Variants in RBM8A observed in about 807,000 individuals in gnomAD.
RBM8A encodes the protein RNA binding motif protein 8A.
A neutral mutation model predicts 25.1 loss-of-function variants in RBM8A; 8 were observed. The ratio of observed to expected loss-of-function variants is 0.32; its 90% CI spans 0.19 to 0.58. The LOEUF (loss-of-function observed/expected upper bound fraction) is 0.58. Among genes scored for constraint, RBM8A ranks in the 20% least tolerant of loss-of-function variants. The pLI is 0.88. For synonymous variants in RBM8A, 66 were observed against 80.0 expected, an observed-to-expected ratio of 0.82 and a Z score of 0.94; for missense variants, 114 against 236.8, an observed-to-expected ratio of 0.48 and a Z score of 3.40.
At position 145,924,514 on chromosome 1, in the gene RBM8A, T is replaced by C; in HGVS notation, c.*1368A>G. The C allele has an allele frequency of 2.7e-6, 1 of 377,352 alleles. No individual in the cohort carries two copies. The highest frequency in any genetic ancestry group is 2.0e-5 in the South Asian group (1 of 49,710). The allele number at this position is 377,352 out of a possible 1,614,324, so 23.4% of individuals were successfully genotyped here. A position where few individuals can be genotyped will look rare whatever the true frequency, so the allele number is the denominator to read the frequency against. ...GTCTAGCACCTGATGCTAGAGATAATTTTGTTGAATCCCTTCAATTATAAA... is the reference window on the plus strand; with the variant it reads ...GTCTAGCACCTGATGCTAGAGATAACTTTGTTGAATCCCTTCAATTATAAA... On this transcript the variant is annotated 3_prime_UTR_variant, in exon 6 of 6. Coordinates refer to ENST00000583313, the MANE Select transcript of RBM8A (RefSeq NM_005105.5).
intron 3 of RBM8A, 39 bp downstream of exon 3, chr1:145,926,770 C>T (rs375620842): frequency 1.9e-4 from 308 of 1,613,950 alleles, no homozygotes; most frequent in Non-Finnish European, 2.4e-4. Context: ...TAACTACTAC[C>T]ACAGACACGG....
intron 2 of RBM8A, 22 bp downstream of exon 2, chr1:145,926,996 A>G (rs782152242): frequency 1.2e-6 from 2 of 1,613,398 alleles, no homozygotes. Context: ...AGGCCACTCT[A>G]CCCCATTTTC....
Position 145,921,579 on chromosome 1 carries a change from T to C in RBM8A, c.*4303A>G, listed in dbSNP as rs950651147. On this transcript the variant is annotated 3_prime_UTR_variant, in exon 6 of 6. Transcript: ENST00000583313. ...AATTTGTGTTTTTTACTGACTTTAT[T>C]GTCGAATGAGTGTTAAAATTGCAAA... 1.3e-5 allele frequency: 2 copies of C among 152,402 alleles called. No homozygotes were observed. The highest frequency in any genetic ancestry group is 3.8e-4 in the East Asian group (2 of 5,226). 9.4% of individuals were successfully genotyped at this position (152,402 alleles called of 1,614,324 possible).
Position 145,923,569 on chromosome 1 carries a change from T to C in RBM8A, c.*2313A>G, listed in dbSNP as rs1481122904. On this transcript the variant is annotated 3_prime_UTR_variant, in exon 6 of 6. Transcript: ENST00000583313. ...CTGGAAAGCAGGCACTTTAACCTTGTAGCTCTAAACAGAAATAGTTTTTAC... is the reference window on the plus strand; with the variant it reads ...CTGGAAAGCAGGCACTTTAACCTTGCAGCTCTAAACAGAAATAGTTTTTAC... 1.8e-5 allele frequency: 4 copies of C among 226,548 alleles called. No individual in the cohort carries two copies. Among genetic ancestry groups the C allele is most frequent in the Admixed American group, 5.2e-5 (1 of 19,380 alleles). 14.0% of individuals were successfully genotyped at this position (226,548 alleles called of 1,614,324 possible). A position where few individuals can be genotyped will look rare whatever the true frequency, so the allele number is the denominator to read the frequency against.
Position 145,925,684 on chromosome 1 carries a change from A to G in RBM8A, c.*198T>C. The G allele has an allele frequency of 1.7e-6, 1 of 604,876 alleles. No homozygotes were observed. The highest frequency in any genetic ancestry group is 2.9e-6 in the Non-Finnish European group (1 of 341,968). 37.5% of individuals were successfully genotyped at this position (604,876 alleles called of 1,614,324 possible). ...GATCCATACAGCCTTGCTATGCTTT[A>G]GAACTTTCAATTTTAGGACAGGAAA... On this transcript the variant is annotated 3_prime_UTR_variant, in exon 6 of 6. Coordinates refer to ENST00000583313, the MANE Select transcript of RBM8A (RefSeq NM_005105.5).
In RBM8A at chr1:145,925,351, C is replaced by G. The variant is rs587667686; in HGVS notation, c.*531G>C. 5.7e-6 allele frequency: 2 copies of G among 348,354 alleles called. No homozygotes were observed. The highest frequency in any genetic ancestry group is 1.5e-4 in the East Asian group (2 of 13,084). 21.6% of individuals were successfully genotyped at this position (348,354 alleles called of 1,614,324 possible). ...AAAAAAGAAATACTGACCAGTGTCT[C>G]TACTTTAAACCCTACCTGAAACTTG... is the stretch of plus-strand genomic sequence containing the variant. On this transcript the variant is annotated 3_prime_UTR_variant, in exon 6 of 6. Transcript: ENST00000583313.
In RBM8A at chr1:145,926,772, C is replaced by T. The variant is rs1427713904; in HGVS notation, c.205+37G>A. The T allele has an allele frequency of 4.3e-6, 7 of 1,614,012 alleles. No individual in the cohort carries two copies. The Admixed American group carries it at 6.7e-5, about 15-fold the overall frequency. ...TTTTATTGGTTTCTAACTACTACCA[C>T]AGACACGGATACCTCACAGGTTCCA... On this transcript the variant is annotated intron_variant, in intron 3 of 5. Coordinates refer to ENST00000583313, the MANE Select transcript of RBM8A (RefSeq NM_005105.5).
rs1648210068 is a variant in RBM8A, at chr1:145,927,231, C to T, written c.67+129G>A. 6 of 1,448,886 alleles carry T rather than the reference C, an allele frequency of 4.1e-6. No individual in the cohort carries two copies. The South Asian group carries it at 7.4e-5, about 18-fold the overall frequency. 89.8% of individuals were successfully genotyped at this position (1,448,886 alleles called of 1,614,324 possible). A position where few individuals can be genotyped will look rare whatever the true frequency, so the allele number is the denominator to read the frequency against. ...TCCCTTCTCCTGAAGGGGGCGGAATCTCTAATCCACCCAAGACCCGGTTCC... is the reference window on the plus strand; with the variant it reads ...TCCCTTCTCCTGAAGGGGGCGGAATTTCTAATCCACCCAAGACCCGGTTCC... On this transcript the variant is annotated intron_variant, in intron 1 of 5. Coordinates refer to ENST00000583313, the MANE Select transcript of RBM8A (RefSeq NM_005105.5).
rs117017431 is a variant in RBM8A, at chr1:145,926,638, A to G, written c.206-20T>C. ...CAACAGCTGTTGGGGGACGGGGGGA[A>G]GTTGTATGAGTACATGAGAGACACT... On this transcript the variant is annotated intron_variant, in intron 3 of 5. Transcript: ENST00000583313. 1,841 of 1,613,792 alleles carry G rather than the reference A, an allele frequency of 1.1e-3. 29 individuals are homozygous for G. In the East Asian group the frequency reaches 0.032, roughly 28 times the overall value.
At chr1:145,927,113 G>T in intron 1 of RBM8A, 36 bp from the exon 2 acceptor site, 1 of 1,603,860 alleles carries the variant, frequency 6.2e-7, no homozygotes, top group South Asian at 1.1e-5. Flanking sequence ...AAGTAACTAT[G>T]ACAGTCATTT....
intron 4 of RBM8A, 32 bp from the exon 5 acceptor site, chr1:145,926,209 C>A (rs1648147584): frequency 6.2e-7 from 1 of 1,607,204 alleles, no homozygotes; most frequent in Non-Finnish European, 8.5e-7. Flanking sequence ...ATATGAAAAC[C>A]CTCCTATTTC....
In RBM8A at chr1:145,924,157, G is replaced by A. The variant is rs587722472; in HGVS notation, c.*1725C>T. The stretch of plus-strand genomic sequence containing the variant: ...AATAGTCCTCAACTCCACTCCAGCT[G>A]TTCCTGTTCCACACGGTCCACTGAG... On this transcript the variant is annotated 3_prime_UTR_variant, in exon 6 of 6. Coordinates refer to ENST00000583313, the MANE Select transcript of RBM8A (RefSeq NM_005105.5). 2.8e-6 allele frequency: 2 copies of A among 707,612 alleles called. No individual in the cohort carries two copies. Among genetic ancestry groups the A allele is most frequent in the East Asian group, 2.7e-5 (1 of 36,822 alleles). 43.8% of individuals were successfully genotyped at this position (707,612 alleles called of 1,614,324 possible). A position where few individuals can be genotyped will look rare whatever the true frequency, so the allele number is the denominator to read the frequency against.
chr1:145,922,614 T>C lies in RBM8A; in HGVS notation c.*3268A>G, dbSNP rs902981466. 4.6e-5 allele frequency: 7 copies of C among 152,210 alleles called. No homozygotes were observed. The highest frequency in any genetic ancestry group is 8.8e-5 in the Non-Finnish European group (6 of 68,038). The allele number at this position is 152,210 out of a possible 1,614,324, so 9.4% of individuals were successfully genotyped here. A position where few individuals can be genotyped will look rare whatever the true frequency, so the allele number is the denominator to read the frequency against. On this transcript the variant is annotated 3_prime_UTR_variant, in exon 6 of 6. Transcript: ENST00000583313. ...ACATGATACATGTGCGAAAGGTGATTTTTTTTGTTCCAAATTAGTATCCTT... is the reference window on the plus strand; with the variant it reads ...ACATGATACATGTGCGAAAGGTGATCTTTTTTGTTCCAAATTAGTATCCTT...
In RBM8A at chr1:145,926,023, T is replaced by G. The variant is rs1345194253; in HGVS notation, c.479+18A>C. 6.2e-7 allele frequency: 1 copy of G among 1,614,216 alleles called. No individual in the cohort carries two copies. The highest frequency in any genetic ancestry group is 8.5e-7 in the Non-Finnish European group (1 of 1,180,032). ...CGTATTCCCTTCACCCAGACAGTAT[T>G]TGCCCTCTTCATTTTACCTCCTCTT... On this transcript the variant is annotated intron_variant, in intron 5 of 5. Coordinates refer to ENST00000583313, the MANE Select transcript of RBM8A (RefSeq NM_005105.5).
Position 145,923,915 on chromosome 1 carries a change from G to A in RBM8A, c.*1967C>T, listed in dbSNP as rs1570944837. ...GAATAGTACTTGAGAAAGCAGGATT[G>A]TTTTAAGTTCCAAGATTTAACAAAC... is the stretch of plus-strand genomic sequence containing the variant. On this transcript the variant is annotated 3_prime_UTR_variant, in exon 6 of 6. Coordinates refer to ENST00000583313, the MANE Select transcript of RBM8A (RefSeq NM_005105.5). The A allele has an allele frequency of 1.7e-6, 1 of 592,208 alleles. No individual in the cohort carries two copies. The highest frequency in any genetic ancestry group is 4.5e-4 in the Middle Eastern group (1 of 2,234). 36.7% of individuals were successfully genotyped at this position (592,208 alleles called of 1,614,324 possible). A position where few individuals can be genotyped will look rare whatever the true frequency, so the allele number is the denominator to read the frequency against.
chr1:145,925,438 C>A lies in RBM8A; in HGVS notation c.*444G>T. The A allele has an allele frequency of 2.8e-6, 1 of 359,352 alleles. No homozygotes were observed. The highest frequency in any genetic ancestry group is 5.4e-6 in the Non-Finnish European group (1 of 183,838). 22.3% of individuals were successfully genotyped at this position (359,352 alleles called of 1,614,324 possible). A position where few individuals can be genotyped will look rare whatever the true frequency, so the allele number is the denominator to read the frequency against. On this transcript the variant is annotated 3_prime_UTR_variant, in exon 6 of 6. Coordinates refer to ENST00000583313, the MANE Select transcript of RBM8A (RefSeq NM_005105.5). ...CAGGTAACACAGCAAGACCCCATCT[C>A]TACAAAAATATTAAAAATTTAGCTG...
At chr1:145,926,260 C>G in intron 4 of RBM8A, 83 bp from the exon 5 acceptor site, 2 of 1,561,342 alleles carry the variant, frequency 1.3e-6, no homozygotes, top group Non-Finnish European at 1.8e-6. Context: ...AATCTAAACT[C>G]AGAAAAATCT....
At position 145,922,405 on chromosome 1, in the gene RBM8A, G is replaced by A. The variant is rs1310200089; in HGVS notation, c.*3477C>T. ...GAAGACTTTTTGTTTCAGTCTGCCT[G>A]TTTTACTTTGTTTTTTTCTGAGTCT... is the stretch of plus-strand genomic sequence containing the variant. On this transcript the variant is annotated 3_prime_UTR_variant, in exon 6 of 6. Transcript: ENST00000583313. The A allele has an allele frequency of 7.9e-5, 12 of 152,264 alleles. No individual in the cohort carries two copies. Among genetic ancestry groups the A allele is most frequent in the African/African-American group, 2.9e-4 (12 of 41,546 alleles). The allele number at this position is 152,264 out of a possible 1,614,324, so 9.4% of individuals were successfully genotyped here.
rs782559306 is a variant in RBM8A at position 145,925,935 on chromosome 1, A to C, written c.480-8T>G. Reference sequence around the variant, plus strand: ...CTGCGTCTTCGGCCACCTCTAGGGAAAAAGAAGCAGGGAGAGGAGTCCATT... The same window carrying C: ...CTGCGTCTTCGGCCACCTCTAGGGACAAAGAAGCAGGGAGAGGAGTCCATT... On this transcript the variant is annotated splice_polypyrimidine_tract_variant and splice_region_variant and intron_variant, in intron 5 of 5. Transcript: ENST00000583313. 7.4e-6 allele frequency: 12 copies of C among 1,614,104 alleles called. No homozygotes were observed. The Admixed American group carries it at 1.3e-4, about 18-fold the overall frequency.
Sources: gnomAD v4.1 joint callset for allele counts on GRCh38, gnomAD v4.1.1 for gene constraint, MANE v1.5 for transcripts, NCBI Gene and HGNC (gene_info 2026-07-23, HGNC 2026-07-21) for gene names.